The following PLXNA2 variants were observed in gnomAD, a reference collection of about 807,000 sequenced individuals.
PLXNA2 encodes plexin A2.
Under a neutral mutation model 193.5 loss-of-function variants are expected in PLXNA2, and 91 were observed. The observed-to-expected ratio is 0.47, with a 90% CI of 0.40 to 0.56. The LOEUF (loss-of-function observed/expected upper bound fraction) is 0.56, where lower values mean the gene tolerates loss of function less well. Among genes scored for constraint, PLXNA2 ranks in the 20% least tolerant of loss-of-function variants. PLXNA2 has a pLI of 0.00. For synonymous variants in PLXNA2, 997 were observed against 1,027.3 expected, an observed-to-expected ratio of 0.97 and a Z score of 0.56; for missense variants, 1,995 against 2,503.2, an observed-to-expected ratio of 0.80 and a Z score of 4.33.
At chr1:208,219,669 G>A (rs1054480314) in intron 1 of PLXNA2, among the ~76,000 whole-genome samples, 15 of 152,318 alleles carry the variant, frequency 9.8e-5, no homozygotes, top group African/African-American at 3.6e-4. Flanking sequence ...CCTTCCTCTT[G>A]TTCAGTTCTG....
At chr1:208,058,756 C>T (rs1665522552) in intron 13 of PLXNA2, among the ~76,000 whole-genome samples, 1 of 152,158 alleles carries the variant, frequency 6.6e-6, no homozygotes, top group Non-Finnish European at 1.5e-5. Flanking sequence ...CAGCTTCTCT[C>T]GACACTTTCT....
At chr1:208,145,905 T>C (rs1668588173) in intron 3 of PLXNA2, among the ~76,000 whole-genome samples, 2 of 152,156 alleles carry the variant, frequency 1.3e-5, no homozygotes, top group South Asian at 4.1e-4. Context: ...TCCTATTTCA[T>C]TCAGTCTAAA....
chr1:208,170,524 CG>C (rs1198829751), intron 3 of PLXNA2, among the ~76,000 whole-genome samples: 1 of 152,150 alleles, frequency 6.6e-6, no homozygotes, highest in East Asian at 1.9e-4. Context: ...CTGCCAGAGC[CG>C]GGGCATGAGG....
chr1:208,195,992 A>G (rs1251910973), intron 3 of PLXNA2, among the ~76,000 whole-genome samples: 1 of 151,660 alleles, frequency 6.6e-6, no homozygotes, highest in East Asian at 1.9e-4. Flanking sequence ...ATATGGCCTC[A>G]TGGGGGAGTC....
At chr1:208,198,197 G>T (rs983576487) in intron 3 of PLXNA2, among the ~76,000 whole-genome samples, 41 of 152,196 alleles carry the variant, frequency 2.7e-4, no homozygotes, top group Admixed American at 2.6e-3. Flanking sequence ...CATCCCCCCA[G>T]CAGTGGTCGG....
chr1:208,063,634 T>C (rs1311167147), intron 12 of PLXNA2, among the ~76,000 whole-genome samples: 2 of 151,248 alleles, frequency 1.3e-5, no homozygotes, highest in Non-Finnish European at 2.9e-5. Flanking sequence ...TTTATGGGGG[T>C]CTTCTTTCTA....
intron 11 of PLXNA2, 34 bp from the exon 12 acceptor site, chr1:208,079,484 A>G: frequency 6.6e-7 from 1 of 1,508,584 alleles, no homozygotes; most frequent in Non-Finnish European, 9.0e-7. Flanking sequence ...AGATGAAACC[A>G]GAAAGGGCTG....
In PLXNA2 at chr1:208,030,065, G is replaced by A. The variant is rs1215411594; in HGVS notation, c.5226-1023C>T. The A allele has an allele frequency of 3.0e-6, 3 of 985,274 alleles. No individual in the cohort carries two copies. In the East Asian group the frequency reaches 3.4e-4, roughly 112 times the overall value. 61.0% of individuals were successfully genotyped at this position (985,274 alleles called of 1,614,324 possible). A position where few individuals can be genotyped will look rare whatever the true frequency, so the allele number is the denominator to read the frequency against. On this transcript the variant is annotated intron_variant, in intron 29 of 31. Transcript: ENST00000367033. ...AATGTCTCAGTAGTGCCAGGTCTTG[G>A]GGAAGATCTGCTTTACCCAGCCTCA...
rs151032012 is a variant in PLXNA2 at position 208,162,649 on chromosome 1, T to C, written c.1372-20186A>G. ...CAGATAAACTATGAAATAAACATAA[T>C]AACAAACAGGTACTGTTCCGTGTGC... On this transcript the variant is annotated intron_variant, in intron 3 of 31. Transcript: ENST00000367033. Among the ~76,000 whole-genome samples, 162 of 152,224 alleles carry C rather than the reference T, an allele frequency of 1.1e-3. 2 individuals carry two copies. The Middle Eastern group carries it at 0.017, about 16-fold the overall frequency.
At chr1:208,163,231 C>G (rs1669189450) in intron 3 of PLXNA2, among the ~76,000 whole-genome samples, 1 of 152,034 alleles carries the variant, frequency 6.6e-6, no homozygotes, top group African/African-American at 2.4e-5. Context: ...GGAGGGATGC[C>G]AAGACCTTGC....
chr1:208,154,210 T>G (rs1668863540), intron 3 of PLXNA2, among the ~76,000 whole-genome samples: 1 of 151,904 alleles, frequency 6.6e-6, no homozygotes, highest in South Asian at 2.1e-4. Context: ...CTGGGCAGAG[T>G]GCCAGCGTGA....
At chr1:208,106,864 A>T (rs1039312422) in intron 4 of PLXNA2, among the ~76,000 whole-genome samples, 13 of 152,326 alleles carry the variant, frequency 8.5e-5, no homozygotes, top group African/African-American at 3.1e-4. Flanking sequence ...TCCGGGCCTT[A>T]AAAGGTGAAG....
chr1:208,082,941 C>A lies in PLXNA2; in HGVS notation c.2299-433G>T, dbSNP rs115666632. Reference sequence around the variant, plus strand: ...GCAGATCTGCCTCAAACTGTCCATCCCCTGGTGTTGCCACTTTCTGTCTTG... The same window carrying A: ...GCAGATCTGCCTCAAACTGTCCATCACCTGGTGTTGCCACTTTCTGTCTTG... On this transcript the variant is annotated intron_variant, in intron 10 of 31. Transcript: ENST00000367033. This position sits in a 1 kb window ranked among gnomAD's most constrained non-coding sequence, Gnocchi z 4.2. Among the ~76,000 whole-genome samples the A allele has an allele frequency of 0.013, 1,984 of 152,264 alleles. 16 individuals carry two copies. The highest frequency in any genetic ancestry group is 0.019 in the Non-Finnish European group (1,298 of 68,012).
At chr1:208,039,909 C>T in intron 23 of PLXNA2, 83 bp downstream of exon 23, 2 of 1,574,068 alleles carry the variant, frequency 1.3e-6, no homozygotes, top group South Asian at 2.2e-5. Context: ...GGGAGGGGGT[C>T]CCCATGCAGC....
At chr1:208,059,962 C>T (rs573254444) in intron 13 of PLXNA2, among the ~76,000 whole-genome samples, 88 of 152,250 alleles carry the variant, frequency 5.8e-4, no homozygotes, top group Non-Finnish European at 9.9e-4. Context: ...CCCAGTACCC[C>T]CTGCAGAGCT....
At chr1:208,071,300 T>TG (rs1665969453) in intron 12 of PLXNA2, among the ~76,000 whole-genome samples, 2 of 152,226 alleles carry the variant, frequency 1.3e-5, no homozygotes, top group African/African-American at 4.8e-5. Context: ...GGTTCTGCCC[T>TG]GAGGAGCCCC....
rs558031480 is a variant in PLXNA2, at chr1:208,108,276, C to G, written c.1507-5029G>C. ...AAGTCACTGAGGGAAGCCACTGGAC[C>G]CAGCCTCTTTCCTGAAGGTCTTGAA... On this transcript the variant is annotated intron_variant, in intron 4 of 31. Coordinates refer to ENST00000367033, the MANE Select transcript of PLXNA2 (RefSeq NM_025179.4). Among the ~76,000 whole-genome samples the G allele has an allele frequency of 3.9e-5, 6 of 152,228 alleles. No homozygotes were observed. In the South Asian group the frequency reaches 8.3e-4, roughly 21 times the overall value.
At chr1:208,108,041 GC>G (rs965767082) in intron 4 of PLXNA2, among the ~76,000 whole-genome samples, 2 of 151,962 alleles carry the variant, frequency 1.3e-5, no homozygotes, top group African/African-American at 4.8e-5. Flanking sequence ...GGCTCTCCTG[GC>G]CCCGGGGCCC....
rs2102574192 is a variant in PLXNA2 at position 208,196,298 on chromosome 1, A to G, written c.1371+13982T>C. 1.3e-5 allele frequency among the ~76,000 whole-genome samples: 2 copies of G among 152,280 alleles called. 1 individual carries two copies. ...TAATAAAAAGTTCACGTACTTGAGG[A>G]CTCAACCAAACACACTGTTTCCTAG... On this transcript the variant is annotated intron_variant, in intron 3 of 31. Coordinates refer to ENST00000367033, the MANE Select transcript of PLXNA2 (RefSeq NM_025179.4).
Sources: allele counts gnomAD v4.1 joint callset (sites outside exome capture counted in the v4.1 genomes callset), GRCh38; gene constraint gnomAD v4.1.1; non-coding constraint Gnocchi (gnomAD v3.1); transcripts MANE v1.5; gene names NCBI Gene and HGNC (gene_info 2026-07-23, HGNC 2026-07-21).